The following PTPRO variants were observed in gnomAD, a reference collection of about 807,000 sequenced individuals.
PTPRO encodes the protein receptor-type tyrosine-protein phosphatase O.
PTPRO carries 62 observed loss-of-function variants against 145.2 expected under a neutral mutation model. That is an observed-to-expected ratio of 0.43 (90% CI 0.35 to 0.53). PTPRO has a LOEUF of 0.53. PTPRO is among the 20% of genes least tolerant of loss of function. PTPRO has a pLI of 0.01. For missense variants in PTPRO, 1,345 were observed against 1,482.7 expected (o/e 0.91, Z 1.53); for synonymous variants, 565 against 514.7 (o/e 1.10, Z -1.32).
chr12:15,478,779 C>T (rs933152488), intron 1 of PTPRO, among the ~76,000 whole-genome samples: 2 of 152,246 alleles, frequency 1.3e-5, no homozygotes, highest in East Asian at 3.9e-4. Flanking sequence ...TCACCCCATT[C>T]TCCTGCCTCA....
At chr12:15,329,663 T>C (rs1364301835) in intron 1 of PTPRO, among the ~76,000 whole-genome samples, 4 of 152,262 alleles carry the variant, frequency 2.6e-5, no homozygotes, top group Non-Finnish European at 5.9e-5. Flanking sequence ...AAGCATCTAA[T>C]ATGTGCCAGG....
At chr12:15,544,760 T>A (rs1480232740) in intron 12 of PTPRO, among the ~76,000 whole-genome samples, 1 of 152,188 alleles carries the variant, frequency 6.6e-6, no homozygotes, top group Non-Finnish European at 1.5e-5. Context: ...ATAATCCTAT[T>A]AGCAAAGGCA....
intron 25 of PTPRO, among the ~76,000 whole-genome samples, chr12:15,592,768 T>C (rs1350359220): frequency 2.0e-5 from 3 of 152,220 alleles, no homozygotes; most frequent in African/African-American, 7.2e-5. Flanking sequence ...GGAAATAATA[T>C]AACCTAGATA....
chr12:15,459,695 G>A (rs2136393982), intron 1 of PTPRO, among the ~76,000 whole-genome samples: 1 of 152,338 alleles, frequency 6.6e-6, no homozygotes, highest in South Asian at 2.1e-4. Flanking sequence ...CCATCTTGCT[G>A]ATGTTACTGT....
In PTPRO at chr12:15,596,664, A is replaced by T. The variant is rs1944665952; in HGVS notation, c.*591A>T. On this transcript the variant is annotated 3_prime_UTR_variant, in exon 27 of 27. Coordinates refer to ENST00000281171, the MANE Select transcript of PTPRO (RefSeq NM_030667.3). The stretch of plus-strand genomic sequence containing the variant: ...GGATTGGGGAGGTTGGTCAGGGAAG[A>T]GAGGGGTTCTACCCACAGATCAACT... 6.6e-6 allele frequency: 1 copy of T among 152,294 alleles called. No individual in the cohort carries two copies. Among genetic ancestry groups the T allele is most frequent in the Admixed American group, 6.5e-5 (1 of 15,278 alleles). The allele number at this position is 152,294 out of a possible 1,614,324, so 9.4% of individuals were successfully genotyped here.
At chr12:15,526,614 C>T (rs78796685) in intron 12 of PTPRO, among the ~76,000 whole-genome samples, 2,379 of 152,156 alleles carry the variant, frequency 0.016, 49 homozygotes, top group African/African-American at 0.052. Context: ...GTAATGCTCT[C>T]TTTAATATCT....
intron 1 of PTPRO, among the ~76,000 whole-genome samples, chr12:15,465,040 T>A (rs757511467): frequency 6.6e-6 from 1 of 152,242 alleles, no homozygotes; most frequent in African/African-American, 2.4e-5. Context: ...GTTCAATATG[T>A]CAAGTAAAAG....
At chr12:15,573,780 C>T (rs1216829251) in intron 19 of PTPRO, among the ~76,000 whole-genome samples, 7 of 152,182 alleles carry the variant, frequency 4.6e-5, no homozygotes, top group African/African-American at 1.7e-4. Flanking sequence ...TCAGGGTCAG[C>T]GTCAGGGTTT....
intron 1 of PTPRO, among the ~76,000 whole-genome samples, chr12:15,435,644 T>G (rs1940575127): frequency 2.0e-5 from 3 of 152,108 alleles, no homozygotes; most frequent in Non-Finnish European, 2.9e-5. Context: ...TTCTCAAATA[T>G]ATATCACCAT....
chr12:15,433,728 G>C (rs1190982583), intron 1 of PTPRO, among the ~76,000 whole-genome samples: 1 of 152,114 alleles, frequency 6.6e-6, no homozygotes, highest in Non-Finnish European at 1.5e-5. Flanking sequence ...ATCTGTTTTT[G>C]TACCAATACC....
chr12:15,555,045 G>T (rs1943580703), intron 15 of PTPRO, among the ~76,000 whole-genome samples: 1 of 150,486 alleles, frequency 6.6e-6, no homozygotes, highest in Admixed American at 6.7e-5. Flanking sequence ...AGACCAGCCT[G>T]GCCAACATGG....
intron 18 of PTPRO, among the ~76,000 whole-genome samples, chr12:15,566,027 T>G (rs1358890122): frequency 6.6e-6 from 1 of 152,200 alleles, no homozygotes; most frequent in African/African-American, 2.4e-5. Flanking sequence ...TTTTACTCTA[T>G]TTGATGTTAT....
rs1467555337 is a variant in PTPRO at position 15,581,801 on chromosome 12, T to C, written c.3255T>C (p.Tyr1085=). The C allele has an allele frequency of 6.2e-7, 1 of 1,613,808 alleles. No homozygotes were observed. The highest frequency in any genetic ancestry group is 2.2e-5 in the East Asian group (1 of 44,810). The part of the protein sequence containing the change: ...DWACRHFRIN[Y]ADEMQDVMHF... Reference sequence around the variant, plus strand: ...CCTGTAGACACTTCCGGATCAACTATGTAAGTCACCAGGCAGAGAGCAGGT... The same window carrying C: ...CCTGTAGACACTTCCGGATCAACTACGTAAGTCACCAGGCAGAGAGCAGGT... Residue 1085 remains tyrosine, a splice_region_variant and synonymous_variant, in exon 23 of 27, where the codon TAT becomes TAC. Transcript: ENST00000281171.
chr12:15,436,163 A>C (rs1204963204), intron 1 of PTPRO, among the ~76,000 whole-genome samples: 1 of 152,236 alleles, frequency 6.6e-6, no homozygotes, highest in Non-Finnish European at 1.5e-5. Flanking sequence ...ACATGCCCAC[A>C]AGAGAAAGCA....
intron 1 of PTPRO, among the ~76,000 whole-genome samples, chr12:15,364,701 A>G (rs1938308495): frequency 6.6e-6 from 1 of 152,176 alleles, no homozygotes; most frequent in Non-Finnish European, 1.5e-5. Context: ...TCATAGCAAC[A>G]GTGACACATG....
chr12:15,538,306 C>T (rs568254754), intron 12 of PTPRO, among the ~76,000 whole-genome samples: 28 of 151,904 alleles, frequency 1.8e-4, no homozygotes, highest in African/African-American at 6.0e-4. Flanking sequence ...CTCACTGCAA[C>T]CTCTGCCTCC....
At chr12:15,396,508 G>A (rs1051247892) in intron 1 of PTPRO, among the ~76,000 whole-genome samples, 5 of 152,042 alleles carry the variant, frequency 3.3e-5, no homozygotes, top group African/African-American at 1.2e-4. Flanking sequence ...TTATAGTAAA[G>A]TATTAACTAT....
chr12:15,479,966 C>T (rs1265761192), intron 1 of PTPRO, among the ~76,000 whole-genome samples: 2 of 152,152 alleles, frequency 1.3e-5, no homozygotes, highest in Non-Finnish European at 2.9e-5. Flanking sequence ...CTACTTGAGC[C>T]CTAGATATTT....
At chr12:15,509,595 G>C (rs545152329) in intron 7 of PTPRO, among the ~76,000 whole-genome samples, 14 of 151,196 alleles carry the variant, frequency 9.3e-5, no homozygotes, top group Non-Finnish European at 1.8e-4. Flanking sequence ...TACTCGGGAA[G>C]CTGAGGCAAG....
Sources: gnomAD v4.1 joint callset for allele counts (sites outside exome capture counted in the v4.1 genomes callset) on GRCh38, gnomAD v4.1.1 for gene constraint, MANE v1.5 for transcripts, NCBI Gene and HGNC (gene_info 2026-07-23, HGNC 2026-07-21) for gene names.